The following ARHGEF10L variants were observed in gnomAD, a reference collection of about 807,000 sequenced individuals.
ARHGEF10L encodes rho guanine nucleotide exchange factor 10-like protein.
ARHGEF10L carries 69 observed loss-of-function variants against 141.2 expected under a neutral mutation model. The observed-to-expected ratio is 0.49, with a 90% CI of 0.40 to 0.60. The LOEUF (loss-of-function observed/expected upper bound fraction) is 0.60, where lower values mean the gene tolerates loss of function less well. Among genes scored for constraint, ARHGEF10L ranks in the 20% least tolerant of loss-of-function variants. ARHGEF10L has a pLI of 0.00. For synonymous variants in ARHGEF10L, 711 were observed against 718.5 expected (o/e 0.99, Z 0.17); for missense variants, 1,482 against 1,734.3 (o/e 0.85, Z 2.58).
At chr1:17,636,691 G>T (rs1028922626) in intron 18 of ARHGEF10L, among the ~76,000 whole-genome samples, 4 of 152,060 alleles carry the variant, frequency 2.6e-5, no homozygotes, top group South Asian at 2.1e-4. Flanking sequence ...GTTACCAGGT[G>T]ACCATTCAGG....
At chr1:17,559,666 T>C (rs7533813) in intron 1 of ARHGEF10L, among the ~76,000 whole-genome samples, 41,625 of 152,042 alleles carry the variant, frequency 0.27, 6,469 homozygotes, top group African/African-American at 0.42. Flanking sequence ...TAGGGCCACC[T>C]CTCTTGGCCC....
At chr1:17,613,208 G>A (rs778333695) in intron 8 of ARHGEF10L, 34 bp downstream of exon 8, 1 of 1,560,136 alleles carries the variant, frequency 6.4e-7, no homozygotes, top group South Asian at 1.1e-5. Context: ...GCCCTGGATG[G>A]GGGCTGTTTC....
intron 14 of ARHGEF10L, among the ~76,000 whole-genome samples, chr1:17,626,652 C>T (rs1361738839): frequency 6.6e-6 from 1 of 152,156 alleles, no homozygotes; most frequent in Non-Finnish European, 1.5e-5. Context: ...TATTTATTTA[C>T]CATCATAACC....
At chr1:17,648,477 G>A (rs1571242595) in intron 21 of ARHGEF10L, 77 bp from the exon 22 acceptor site, 1 of 1,573,038 alleles carries the variant, frequency 6.4e-7, no homozygotes, top group Non-Finnish European at 8.7e-7. Context: ...GGCTCCCTGG[G>A]GCTTGGAGGG....
At chr1:17,626,112 C>G (rs961116342) in intron 14 of ARHGEF10L, 64 bp downstream of exon 14, 2 of 1,482,926 alleles carry the variant, frequency 1.3e-6, no homozygotes, top group Non-Finnish European at 1.9e-6. Flanking sequence ...GAGGTGCCTC[C>G]TGGGGTAGGA....
the ARHGEF10L span, among the ~76,000 whole-genome samples, chr1:17,520,572 C>T: frequency 6.6e-6 from 1 of 151,800 alleles, no homozygotes; most frequent in Non-Finnish European, 1.5e-5. Flanking sequence ...GTGTGTCAGG[C>T]CCTGGGGCAC....
In ARHGEF10L at chr1:17,623,125, G is replaced by A. The variant is rs773305597; in HGVS notation, c.1150G>A (p.Val384Met). The change falls in exon 12 of 29, where the codon GTG (valine) becomes ATG (methionine). Residue 384 changes from valine (V) to methionine (M), a missense_variant. Around this residue, in one of 3 missense-constraint regions of ARHGEF10L, gnomAD observed 392 missense variants for 542.1 expected, o/e 0.72. Coordinates refer to ENST00000361221, the MANE Select transcript of ARHGEF10L (RefSeq NM_018125.4). The surrounding 1 kb of genome is among the most constrained non-coding windows in gnomAD (Gnocchi z 4.7). ...GTTCCAGATCGCCCTGTCCTCCCGC[G>A]TGGCTGAGTGGGATTCCACCGAGAA... ...SMFQIALSSR[V>M]AEWDSTEKIG... 11 of 1,613,888 alleles carry A rather than the reference G, an allele frequency of 6.8e-6. No homozygotes were observed. The highest frequency in any genetic ancestry group is 3.3e-5 in the Admixed American group (2 of 59,990).
intron 7 of ARHGEF10L, among the ~76,000 whole-genome samples, chr1:17,611,838 T>A (rs140544833): frequency 6.6e-6 from 1 of 152,326 alleles, no homozygotes; most frequent in East Asian, 1.9e-4. Flanking sequence ...ACACTCTTGA[T>A]CCTTCTGTCT....
chr1:17,619,315 T>C lies in ARHGEF10L; in HGVS notation c.836-24T>C. ...GTGTGCTGTCCCTGCCTTAGCTGTGTCATCGGCCCATCTGACTTTCCAGGT... is the reference window on the plus strand; with the variant it reads ...GTGTGCTGTCCCTGCCTTAGCTGTGCCATCGGCCCATCTGACTTTCCAGGT... On this transcript the variant is annotated intron_variant, in intron 9 of 28. Transcript: ENST00000361221. This position sits in a 1 kb window ranked among gnomAD's most constrained non-coding sequence, Gnocchi z 5.0. The C allele has an allele frequency of 6.2e-7, 1 of 1,607,760 alleles. No individual in the cohort carries two copies. Among genetic ancestry groups the C allele is most frequent in the Non-Finnish European group, 8.5e-7 (1 of 1,175,712 alleles).
At chr1:17,675,694 G>A (rs1018448384) in intron 26 of ARHGEF10L, among the ~76,000 whole-genome samples, 1 of 142,730 alleles carries the variant, frequency 7.0e-6, no homozygotes, top group Non-Finnish European at 1.5e-5. Flanking sequence ...TGGTACAGGT[G>A]TGTTCAAGTG....
At chr1:17,602,100 C>T in intron 4 of ARHGEF10L, 27 bp from the exon 5 acceptor site, 2 of 1,535,130 alleles carry the variant, frequency 1.3e-6, no homozygotes, top group Non-Finnish European at 1.8e-6. Flanking sequence ...CTCTGGACAC[C>T]TCTGCAGTGC....
chr1:17,603,739 G>T lies in ARHGEF10L; in HGVS notation c.433+148G>T. Reference sequence around the variant, plus strand: ...CTTTAGAAACAACTGTAGTCATCGGGGAGAATCTGGAGATGGCTGAGGGCG... The same window carrying T: ...CTTTAGAAACAACTGTAGTCATCGGTGAGAATCTGGAGATGGCTGAGGGCG... On this transcript the variant is annotated intron_variant, in intron 6 of 28. Transcript: ENST00000361221. This position sits in a 1 kb window ranked among gnomAD's most constrained non-coding sequence, Gnocchi z 4.8. 1 of 733,994 alleles carries T rather than the reference G, an allele frequency of 1.4e-6. No individual in the cohort carries two copies. The highest frequency in any genetic ancestry group is 2.1e-6 in the Non-Finnish European group (1 of 483,584). 45.5% of individuals were successfully genotyped at this position (733,994 alleles called of 1,614,324 possible).
intron 21 of ARHGEF10L, among the ~76,000 whole-genome samples, chr1:17,646,719 C>A (rs2061622019): frequency 6.6e-6 from 1 of 151,942 alleles, no homozygotes; most frequent in Admixed American, 6.6e-5. Flanking sequence ...ATGGGTGGTG[C>A]AGGCCTCTCT....
chr1:17,596,943 C>T (rs1192484701), intron 4 of ARHGEF10L, among the ~76,000 whole-genome samples: 2 of 152,140 alleles, frequency 1.3e-5, no homozygotes, highest in South Asian at 2.1e-4. Flanking sequence ...CCTACCCCTC[C>T]CTGCCCTGCT....
chr1:17,670,766 T>C (rs528771780), intron 26 of ARHGEF10L, among the ~76,000 whole-genome samples: 1 of 152,326 alleles, frequency 6.6e-6, no homozygotes, highest in Non-Finnish European at 1.5e-5. Flanking sequence ...CTGGGCCCAT[T>C]TTACAGATGG....
At chr1:17,516,492 A>T in the ARHGEF10L span, among the ~76,000 whole-genome samples, 1 of 152,256 alleles carries the variant, frequency 6.6e-6, no homozygotes, top group African/African-American at 2.4e-5. Context: ...CACAAAGGCC[A>T]GCTCTGGCAG....
chr1:17,619,108 C>T lies in ARHGEF10L; in HGVS notation c.836-231C>T, dbSNP rs966272659. 6.6e-5 allele frequency among the ~76,000 whole-genome samples: 10 copies of T among 152,236 alleles called. No individual in the cohort carries two copies. Among genetic ancestry groups the T allele is most frequent in the Admixed American group, 1.3e-4 (2 of 15,292 alleles). On this transcript the variant is annotated intron_variant, in intron 9 of 28. Coordinates refer to ENST00000361221, the MANE Select transcript of ARHGEF10L (RefSeq NM_018125.4). This position sits in a 1 kb window ranked among gnomAD's most constrained non-coding sequence, Gnocchi z 5.0. The stretch of plus-strand genomic sequence containing the variant: ...TTTGATTTCTGCCTGTTCACCCTCT[C>T]GCTCACTTGCTCACAATTATTCACT...
rs113061583 is a variant in ARHGEF10L, at chr1:17,677,679, A to G, written c.3010-9894A>G. ...TCCCAGAGGCTGCTTTGAGCTCTCC[A>G]TTAGCAGCAACTTGAGTCATCTTAC... On this transcript the variant is annotated intron_variant, in intron 26 of 28. Coordinates refer to ENST00000361221, the MANE Select transcript of ARHGEF10L (RefSeq NM_018125.4). Among the ~76,000 whole-genome samples the G allele has an allele frequency of 6.1e-3, 934 of 152,358 alleles. 10 individuals are homozygous for G. The highest frequency in any genetic ancestry group is 0.021 in the African/African-American group (879 of 41,584).
Position 17,619,372 on chromosome 1 carries a change from A to G in ARHGEF10L, c.869A>G (p.Glu290Gly). ...GAGGAGGAGGACATGGGGCTCCTGGAGGTCAGCGTTTCGGACATCAAGCCC... is the reference window on the plus strand; with the variant it reads ...GAGGAGGAGGACATGGGGCTCCTGGGGGTCAGCGTTTCGGACATCAAGCCC... ...DSEEEDMGLL[E>G]VSVSDIKPPA... Residue 290 changes from glutamate (E) to glycine (G), a missense_variant, in exon 10 of 29, where the codon GAG becomes GGG. By Grantham distance (98) the Glu-to-Gly change is moderately conservative (BLOSUM62 -2). Transcript: ENST00000361221. The surrounding 1 kb of genome is among the most constrained non-coding windows in gnomAD (Gnocchi z 5.0). 1 of 1,612,728 alleles carries G rather than the reference A, an allele frequency of 6.2e-7. No individual in the cohort carries two copies. The highest frequency in any genetic ancestry group is 2.2e-5 in the East Asian group (1 of 44,788).
Sources: allele counts gnomAD v4.1 joint callset (sites outside exome capture counted in the v4.1 genomes callset), GRCh38; gene constraint gnomAD v4.1.1; regional missense constraint gnomAD v4.1.1; non-coding constraint Gnocchi (gnomAD v3.1); transcripts MANE v1.5; gene names NCBI Gene and HGNC (gene_info 2026-07-23, HGNC 2026-07-21).